TBC1D9: variants seen among roughly 807,000 people sequenced by gnomAD.
TBC1D9 encodes TBC1 domain family member 9A.
Under a neutral mutation model 132.0 loss-of-function variants are expected in TBC1D9, and 63 were observed. The ratio of observed to expected loss-of-function variants is 0.48; its 90% CI spans 0.39 to 0.59. The LOEUF (loss-of-function observed/expected upper bound fraction) is 0.59, where lower values mean the gene tolerates loss of function less well. TBC1D9 is among the 20% of genes least tolerant of loss of function. The probability of loss-of-function intolerance (pLI) is 0.00; values close to 1 mark genes in which losing one functional copy is unlikely to be tolerated. For synonymous variants in TBC1D9, 610 were observed against 609.9 expected (o/e 1.00, Z 0.00); for missense variants, 1,261 against 1,592.7 (o/e 0.79, Z 3.54).
At chr4:140,751,479 C>G (rs1313155321) in intron 1 of TBC1D9, among the ~76,000 whole-genome samples, 1 of 152,102 alleles carries the variant, frequency 6.6e-6, no homozygotes, top group Non-Finnish European at 1.5e-5. Context: ...AAAACTGTTA[C>G]ATTTCTAGAA....
intron 1 of TBC1D9, among the ~76,000 whole-genome samples, chr4:140,751,615 T>C (rs374028858): frequency 6.6e-6 from 1 of 152,192 alleles, no homozygotes; most frequent in African/African-American, 2.4e-5. Context: ...TTAAGGAATT[T>C]TAAAAATTAA....
rs561938992 is a variant in TBC1D9, at chr4:140,638,073, G to A, written c.2505+1013C>T. 7.9e-5 allele frequency among the ~76,000 whole-genome samples: 12 copies of A among 152,270 alleles called. No individual in the cohort carries two copies. The East Asian group carries it at 1.7e-3, about 22-fold the overall frequency. ...ACAGGCAGTGGGCGACATCAGCAAG[G>A]GCAGTCCTAAGCAACCACATTTTCT... On this transcript the variant is annotated intron_variant, in intron 15 of 20. Transcript: ENST00000442267.
At chr4:140,744,104 G>T (rs528177465) in intron 1 of TBC1D9, among the ~76,000 whole-genome samples, 1 of 152,232 alleles carries the variant, frequency 6.6e-6, no homozygotes, top group South Asian at 2.1e-4. Flanking sequence ...TCTTAAAGTT[G>T]ATAATAATAA....
intron 9 of TBC1D9, among the ~76,000 whole-genome samples, chr4:140,668,540 T>C (rs1737482839): frequency 6.6e-6 from 1 of 152,192 alleles, no homozygotes; most frequent in Admixed American, 6.5e-5. Context: ...TCTGAGGAAG[T>C]GTCACACTTA....
At chr4:140,681,320 C>T (rs1184593196) in intron 3 of TBC1D9, among the ~76,000 whole-genome samples, 3 of 152,146 alleles carry the variant, frequency 2.0e-5, no homozygotes, top group Non-Finnish European at 4.4e-5. Flanking sequence ...TCATTCTTTT[C>T]CCCCCACATG....
intron 13 of TBC1D9, among the ~76,000 whole-genome samples, chr4:140,647,011 T>C (rs939802815): frequency 2.0e-5 from 3 of 152,210 alleles, no homozygotes; most frequent in Non-Finnish European, 4.4e-5. Context: ...GGAAGGTAAG[T>C]ATTTTGATCC....
chr4:140,732,755 G>GA (rs1553974074), intron 1 of TBC1D9, among the ~76,000 whole-genome samples: 1 of 151,850 alleles, frequency 6.6e-6, no homozygotes, highest in Non-Finnish European at 1.5e-5. Flanking sequence ...GGAAACCAGG[G>GA]TTTTTTTTGG....
chr4:140,640,450 G>T (rs182826297), intron 13 of TBC1D9, among the ~76,000 whole-genome samples: 3 of 148,166 alleles, frequency 2.0e-5, no homozygotes, highest in Non-Finnish European at 3.0e-5. Flanking sequence ...GGTGGGGTGG[G>T]GGGGGGAGTA....
intron 15 of TBC1D9, among the ~76,000 whole-genome samples, chr4:140,635,835 G>A: frequency 6.6e-6 from 1 of 152,174 alleles, no homozygotes; most frequent in East Asian, 1.9e-4. Flanking sequence ...CTGCAGGGTG[G>A]AGGCGGGTGT....
intron 15 of TBC1D9, among the ~76,000 whole-genome samples, chr4:140,638,465 C>T (rs1348834635): frequency 6.7e-6 from 1 of 148,430 alleles, no homozygotes; most frequent in Non-Finnish European, 1.5e-5. Flanking sequence ...AGTTCAAGAC[C>T]AGCCTGGCCA....
At chr4:140,674,667 T>C (rs1026016830) in intron 6 of TBC1D9, among the ~76,000 whole-genome samples, 3 of 149,040 alleles carry the variant, frequency 2.0e-5, no homozygotes, top group East Asian at 1.9e-4. Context: ...AAAAATTACA[T>C]TGTAGAAGAA....
intron 1 of TBC1D9, among the ~76,000 whole-genome samples, chr4:140,716,520 GAGA>G (rs1029134716): frequency 1.3e-5 from 2 of 152,178 alleles, no homozygotes; most frequent in African/African-American, 4.8e-5. Context: ...AATAATGGAT[GAGA>G]AGAAATCATC....
intron 7 of TBC1D9, 95 bp from the exon 8 acceptor site, chr4:140,669,899 T>G: frequency 8.2e-7 from 1 of 1,214,894 alleles, no homozygotes; most frequent in South Asian, 1.7e-5. Context: ...AGCTACATCA[T>G]TTTTTTCCCA....
At chr4:140,732,875 T>C (rs1239686186) in intron 1 of TBC1D9, among the ~76,000 whole-genome samples, 1 of 152,180 alleles carries the variant, frequency 6.6e-6, no homozygotes, top group Non-Finnish European at 1.5e-5. Flanking sequence ...AGATAATATA[T>C]ATGTAAATTA....
In TBC1D9 at chr4:140,679,601, T is replaced by G. The variant is rs758557454; in HGVS notation, c.589+14A>C. ...ACTTTCCAAAGTTTCCTGCTGAAAT[T>G]TTAGATGACTTACCTTCCCTTCCCA... On this transcript the variant is annotated intron_variant, in intron 4 of 20. Coordinates refer to ENST00000442267, the MANE Select transcript of TBC1D9 (RefSeq NM_015130.3). 1.2e-6 allele frequency: 2 copies of G among 1,601,350 alleles called. No homozygotes were observed. The highest frequency in any genetic ancestry group is 2.7e-5 in the African/African-American group (2 of 74,504).
At chr4:140,696,437 C>G (rs13146012) in intron 2 of TBC1D9, among the ~76,000 whole-genome samples, 50,124 of 123,114 alleles carry the variant, frequency 0.41, 10,901 homozygotes, top group Middle Eastern at 0.59. Context: ...AGCCTGGAGA[C>G]AGAGCAAGAG....
chr4:140,628,827 A>G (rs777099361), intron 16 of TBC1D9, among the ~76,000 whole-genome samples: 1 of 152,246 alleles, frequency 6.6e-6, no homozygotes, highest in African/African-American at 2.4e-5. Context: ...ATATCACTTC[A>G]AATTACTCAT....
intron 10 of TBC1D9, 61 bp downstream of exon 10, chr4:140,661,832 G>T: frequency 1.4e-6 from 2 of 1,397,970 alleles, no homozygotes; most frequent in Non-Finnish European, 2.0e-6. Context: ...CCCACTATTT[G>T]CTGCCAAATG....
intron 18 of TBC1D9, 44 bp from the exon 19 acceptor site, chr4:140,624,432 A>G: frequency 6.5e-7 from 1 of 1,543,918 alleles, no homozygotes. Context: ...ATGTTATATA[A>G]TATGACCATG....
Sources: gnomAD v4.1 joint callset for allele counts (sites outside exome capture counted in the v4.1 genomes callset) on GRCh38, gnomAD v4.1.1 for gene constraint, MANE v1.5 for transcripts, NCBI Gene and HGNC (gene_info 2026-07-23, HGNC 2026-07-21) for gene names.